Variants in PHKA2 observed in about 807,000 individuals in gnomAD.
PHKA2 encodes phosphorylase kinase regulatory subunit alpha 2.
In PHKA2, 31 loss-of-function variants were observed where a neutral mutation model predicts 102.0. That is an observed-to-expected ratio of 0.30 (90% CI 0.23 to 0.41). PHKA2 has a LOEUF of 0.41. Among genes scored for constraint, PHKA2 ranks in the 10% least tolerant of loss-of-function variants. The pLI, the probability that PHKA2 is intolerant of heterozygous loss-of-function variation, is 1.00. For missense variants in PHKA2, 858 were observed against 1,023.1 expected, an observed-to-expected ratio of 0.84 and a Z score of 2.20; for synonymous variants, 455 against 416.2, an observed-to-expected ratio of 1.09 and a Z score of -1.13.
chrX:18,933,113 CAAAA>C (rs34515916), intron 11 of PHKA2, among the ~76,000 whole-genome samples: 2 of 62,845 alleles, frequency 3.2e-5, no homozygotes, highest in Non-Finnish European at 6.3e-5. Context: ...GACTCTGTCT[CAAAA>C]AAAAAAAAAA....
Position 18,926,443 on chromosome X carries a change from C to T in PHKA2, c.1459+10G>A. 1.7e-6 allele frequency: 2 copies of T among 1,201,632 alleles called. No individual in the cohort carries two copies. The highest frequency in any genetic ancestry group is 2.3e-6 in the Non-Finnish European group (2 of 886,247). On this transcript the variant is annotated intron_variant, in intron 14 of 32. Coordinates refer to ENST00000379942, the MANE Select transcript of PHKA2 (RefSeq NM_000292.3). ...TGCCAAAAAGGCCCAGGTAATTTCC[C>T]CAAACCTACCAAGCTTGGCATATAT...
In PHKA2 at chrX:18,959,072, T is replaced by C. The variant is rs140161700; in HGVS notation, c.79-4660A>G. On this transcript the variant is annotated intron_variant, in intron 1 of 32. Transcript: ENST00000379942. ...ACCTACAAAGAAAGACAACCTTCCATGTATTGTGTTTAAGAGCAGGCTAGA... is the reference window on the plus strand; with the variant it reads ...ACCTACAAAGAAAGACAACCTTCCACGTATTGTGTTTAAGAGCAGGCTAGA... 6.1e-3 allele frequency among the ~76,000 whole-genome samples: 688 copies of C among 111,995 alleles called. 5 individuals carry two copies. Among genetic ancestry groups the C allele is most frequent in the African/African-American group, 0.021 (653 of 30,837 alleles).
intron 26 of PHKA2, among the ~76,000 whole-genome samples, chrX:18,904,161 G>T (rs1036139445): frequency 5.4e-5 from 6 of 111,582 alleles, no homozygotes; most frequent in African/African-American, 2.0e-4. Context: ...AGAGAGGCAG[G>T]AGCCCATAAG....
Position 18,918,743 on chromosome X carries a change from G to A in PHKA2, c.2075C>T (p.Ala692Val), listed in dbSNP as rs1418828080. Reference sequence around the variant, plus strand: ...AAGTATGTCCCGCGTGGAGTGGATAGCACTGAAGACATGGCGGTCTTCTGT... The same window carrying A: ...AAGTATGTCCCGCGTGGAGTGGATAACACTGAAGACATGGCGGTCTTCTGT... ...KNTEDRHVFSAIHSTRDILSV... is the reference protein window; with the variant it reads ...KNTEDRHVFSVIHSTRDILSV... Residue 692 changes from alanine to valine, a missense_variant, in exon 19 of 33, where the codon GCT becomes GTT. Ala to Val is a moderately conservative substitution (Grantham distance 64). Transcript: ENST00000379942. 1.7e-6 allele frequency: 2 copies of A among 1,207,431 alleles called. No individual in the cohort carries two copies. The highest frequency in any genetic ancestry group is 3.5e-5 in the African/African-American group (2 of 57,249).
rs1261015231 is a variant in PHKA2 at position 18,894,620 on chromosome X, TTTATCTACCC to T, written c.3337-226_3337-217del. On this transcript the variant is annotated intron_variant, in intron 31 of 32. Coordinates refer to ENST00000379942, the MANE Select transcript of PHKA2 (RefSeq NM_000292.3). ...CAGGAGCCAGCCTGTCCTCGCCTGA[TTTATCTACCC>T]TTCCCCCCATCGACTACAGCTTCCA... 1.1e-5 allele frequency: 5 copies of T among 455,460 alleles called. No individual in the cohort carries two copies. The East Asian group carries it at 1.9e-4, about 17-fold the overall frequency. 37.5% of individuals were successfully genotyped at this position (455,460 alleles called of 1,213,427 possible).
intron 1 of PHKA2, among the ~76,000 whole-genome samples, chrX:18,970,677 CT>C (rs1281133749): frequency 8.9e-6 from 1 of 112,007 alleles, no homozygotes; most frequent in Non-Finnish European, 1.9e-5. Flanking sequence ...TATGGGCCTC[CT>C]GGGTCATAGA....
chrX:18,970,240 A>C (rs1393465340), intron 1 of PHKA2, among the ~76,000 whole-genome samples: 1 of 112,228 alleles, frequency 8.9e-6, no homozygotes, highest in Non-Finnish European at 1.9e-5. Flanking sequence ...CTGTCTCATA[A>C]AAAAAGTATA....
At chrX:18,938,778 A>T in intron 9 of PHKA2, 29 bp from the exon 10 acceptor site, 1 of 1,169,900 alleles carries the variant, frequency 8.5e-7, no homozygotes, top group Non-Finnish European at 1.2e-6. Flanking sequence ...AACTTTTAAA[A>T]GGTGATGTCA....
chrX:18,981,860 T>C (rs2049174986), intron 1 of PHKA2, among the ~76,000 whole-genome samples: 1 of 109,807 alleles, frequency 9.1e-6, no homozygotes, highest in African/African-American at 3.3e-5. Flanking sequence ...AAACACTCAG[T>C]GGAAGCAAGT....
chrX:18,925,104 C>T (rs1295509413), intron 15 of PHKA2, among the ~76,000 whole-genome samples: 1 of 112,431 alleles, frequency 8.9e-6, no homozygotes, highest in Non-Finnish European at 1.9e-5. Context: ...AGCAGCTTGA[C>T]CCAAGACCCC....
intron 29 of PHKA2, among the ~76,000 whole-genome samples, chrX:18,898,674 A>C (rs1032772678): frequency 8.9e-6 from 1 of 112,304 alleles, no homozygotes; most frequent in Non-Finnish European, 1.9e-5. Flanking sequence ...AATTAGACAC[A>C]AATAAAAGTA....
chrX:18,948,669 C>T (rs976818124), intron 5 of PHKA2, 75 bp downstream of exon 5: 1 of 699,811 alleles, frequency 1.4e-6, no homozygotes, highest in Non-Finnish European at 2.3e-6. Flanking sequence ...ACAGCCTGGC[C>T]CTCAAAACAC....
Position 18,941,664 on chromosome X carries a change from G to C in PHKA2, c.729C>G (p.Phe243Leu), listed in dbSNP as rs1244549964. ...DEVEHCQSIL[F>L]SMLPRASTSK... is the part of the protein sequence containing the mutation. ...ATGTCGACGCTCTTGGCAGCATGGAGAACAGAATAGACTGAATGAAAAACA... is the reference window on the plus strand; with the variant it reads ...ATGTCGACGCTCTTGGCAGCATGGACAACAGAATAGACTGAATGAAAAACA... The change falls in exon 8 of 33, where the codon TTC becomes TTG. Residue 243 changes from phenylalanine (F) to leucine (L), a missense_variant. Phe to Leu is a conservative substitution (Grantham distance 22). Transcript: ENST00000379942. The C allele has an allele frequency of 2.6e-6, 3 of 1,163,629 alleles. No individual in the cohort carries two copies. The highest frequency in any genetic ancestry group is 3.5e-6 in the Non-Finnish European group (3 of 851,761).
rs755775981 is a variant in PHKA2, at chrX:18,902,130, T to C, written c.2909-527A>G. Among the ~76,000 whole-genome samples, 10 of 106,619 alleles carry C rather than the reference T, an allele frequency of 9.4e-5. No individual in the cohort carries two copies. In the South Asian group the frequency reaches 3.9e-3, roughly 41 times the overall value. 92.6% of individuals were successfully genotyped at this position (106,619 alleles called of 115,157 possible). ...TGCTGGGATTACAGGCGTGAGCCACTGCAACCAGCCATGTTTTTTTATTTT... is the reference window on the plus strand; with the variant it reads ...TGCTGGGATTACAGGCGTGAGCCACCGCAACCAGCCATGTTTTTTTATTTT... On this transcript the variant is annotated intron_variant, in intron 26 of 32. Transcript: ENST00000379942.
At chrX:18,919,926 T>G in intron 18 of PHKA2, 106 bp downstream of exon 18, 2 of 637,550 alleles carry the variant, frequency 3.1e-6, no homozygotes, top group Non-Finnish European at 5.1e-6. Context: ...TTCCTTGTTT[T>G]TAATTATCAA....
At chrX:18,968,279 G>T (rs758282659) in intron 1 of PHKA2, among the ~76,000 whole-genome samples, 51 of 111,414 alleles carry the variant, frequency 4.6e-4, no homozygotes, top group Non-Finnish European at 9.0e-4. Flanking sequence ...CAAGAAGAAT[G>T]GCAGTGATTA....
At position 18,908,823 on chromosome X, in the gene PHKA2, G is replaced by A. The variant is rs756758025; in HGVS notation, c.2338C>T (p.Leu780=). The change falls in exon 21 of 33, where the codon CTG becomes TTG. Residue 780 remains leucine (L), a synonymous_variant. Transcript: ENST00000379942. ...TACTTTATGACATAAAGAATGTACA[G>A]AATGTCTGCTTGGTCCTGTAGGTTC... ...CSNLQDQADI[L]YILYVIKGPS... The A allele has an allele frequency of 4.1e-6, 5 of 1,207,438 alleles. No individual in the cohort carries two copies. Among genetic ancestry groups the A allele is most frequent in the Middle Eastern group, 2.3e-4 (1 of 4,363 alleles).
At chrX:18,948,666 G>A in intron 5 of PHKA2, 78 bp downstream of exon 5, 2 of 666,814 alleles carry the variant, frequency 3.0e-6, no homozygotes, top group South Asian at 4.3e-5. Flanking sequence ...CAAACAGCCT[G>A]GCCCTCAAAA....
At chrX:18,894,849 GGA>G (rs2047505518) in intron 31 of PHKA2, 1 of 418,210 alleles carries the variant, frequency 2.4e-6, no homozygotes, top group African/African-American at 2.5e-5. Context: ...AGGGTGGCAT[GGA>G]GATTGGCTCC....
Sources: allele counts gnomAD v4.1 joint callset (sites outside exome capture counted in the v4.1 genomes callset), GRCh38; gene constraint gnomAD v4.1.1; transcripts MANE v1.5; gene names NCBI Gene and HGNC (gene_info 2026-07-23, HGNC 2026-07-21).